SLC5A5: variants seen among roughly 807,000 people sequenced by gnomAD.
The protein encoded by SLC5A5 is solute carrier family 5 member 5, also known as sodium/iodide cotransporter.
SLC5A5 carries 56 observed loss-of-function variants against 68.6 expected under a neutral mutation model. The ratio of observed to expected loss-of-function variants is 0.82; its 90% CI spans 0.66 to 1.02. The LOEUF (loss-of-function observed/expected upper bound fraction) is 1.02. Ranked by LOEUF, SLC5A5 falls within the 50% of genes least tolerant of loss-of-function variation. SLC5A5 has a pLI of 0.00. For synonymous variants in SLC5A5, 398 were observed against 373.0 expected, an observed-to-expected ratio of 1.07 and a Z score of -0.77; for missense variants, 807 against 859.8, an observed-to-expected ratio of 0.94 and a Z score of 0.77.
Position 17,882,219 on chromosome 19 carries a change from G to T in SLC5A5, c.1242G>T (p.Gln414His). The T allele has an allele frequency of 6.2e-7, 1 of 1,613,076 alleles. No individual in the cohort carries two copies. The highest frequency in any genetic ancestry group is 8.5e-7 in the Non-Finnish European group (1 of 1,179,680). Residue 414 changes from glutamine to histidine, a missense_variant and splice_region_variant, in exon 10 of 15, where the codon CAG becomes CAT. Physicochemically the swap from Gln to His is conservative, Grantham distance 24 (BLOSUM62 0). Coordinates refer to ENST00000222248, the MANE Select transcript of SLC5A5 (RefSeq NM_000453.3). ...CACTGCTCGGAGGAGGTGTCCTTCA[G>T]GTGAGACCCCACCTGCCCCCTGCCC... Reference protein sequence around the residue: ...LSSLLGGGVLQGSFTVMGVIS... With the variant: ...LSSLLGGGVLHGSFTVMGVIS...
At chr19:17,882,309 C>T in intron 10 of SLC5A5, 90 bp downstream of exon 10, 1 of 1,011,482 alleles carries the variant, frequency 9.9e-7, no homozygotes. Flanking sequence ...AGAGAGGTCA[C>T]ATGTGTCAGT....
At chr19:17,876,290 G>A (rs112223626) in intron 5 of SLC5A5, among the ~76,000 whole-genome samples, 184 bp downstream of exon 5, 2,539 of 152,094 alleles carry the variant, frequency 0.017, 72 homozygotes, top group African/African-American at 0.057. Flanking sequence ...TTAGCTGGGC[G>A]TGGTGGTGCA....
At position 17,872,450 on chromosome 19, in the gene SLC5A5, C is replaced by G. The variant is rs752436289; in HGVS notation, c.131C>G (p.Ala44Gly). ...CTGGCTCGGGGCGGGCAGCGCAGCG[C>G]TGAGGACTTCTTCACCGGGGGCCGG... The part of the protein sequence containing the change: ...VGLARGGQRS[A>G]EDFFTGGRRL... Residue 44 changes from alanine to glycine, a missense_variant, in exon 1 of 15, where the codon GCT becomes GGT. By Grantham distance (60) the Ala-to-Gly change is moderately conservative. Transcript: ENST00000222248. 4.3e-6 allele frequency: 7 copies of G among 1,610,650 alleles called. No homozygotes were observed. In the South Asian group the frequency reaches 6.6e-5, roughly 15 times the overall value.
intron 5 of SLC5A5, among the ~76,000 whole-genome samples, chr19:17,877,207 G>T (rs1205120653): frequency 6.6e-6 from 1 of 152,140 alleles, no homozygotes; most frequent in Admixed American, 6.5e-5. Context: ...TTTTAAGTGC[G>T]TGGATAGATG....
chr19:17,893,648 A>G (rs2030285908), intron 14 of SLC5A5, 65 bp from the exon 15 acceptor site: 3 of 1,503,484 alleles, frequency 2.0e-6, no homozygotes, highest in South Asian at 1.2e-5. Flanking sequence ...CTGGGAGATG[A>G]GCTGACACGG....
chr19:17,880,139 G>A (rs1397121881), intron 7 of SLC5A5, among the ~76,000 whole-genome samples: 1 of 151,876 alleles, frequency 6.6e-6, no homozygotes, highest in Non-Finnish European at 1.5e-5. Flanking sequence ...GACCTCAGGT[G>A]ATCCACCTGC....
intron 14 of SLC5A5, among the ~76,000 whole-genome samples, chr19:17,893,493 C>T (rs2030279787): frequency 1.3e-5 from 2 of 152,074 alleles, no homozygotes; most frequent in African/African-American, 4.8e-5. Flanking sequence ...CGTTGATGGC[C>T]TGGGCTGTAG....
At chr19:17,874,074 G>A in intron 1 of SLC5A5, 64 bp from the exon 2 acceptor site, 2 of 1,170,010 alleles carry the variant, frequency 1.7e-6, no homozygotes, top group Admixed American at 1.7e-5. Context: ...AGCAGACCAG[G>A]GACCCGAGAG....
Position 17,882,186 on chromosome 19 carries a change from C to G in SLC5A5, c.1209C>G (p.Ala403=), listed in dbSNP as rs200659377. The G allele has an allele frequency of 1.2e-6, 2 of 1,614,052 alleles. No homozygotes were observed. The highest frequency in any genetic ancestry group is 1.7e-4 in the Middle Eastern group (1 of 6,044). Residue 403 remains alanine (A), a synonymous_variant, in exon 10 of 15, where the codon GCC becomes GCG. Transcript: ENST00000222248. ...IYGSACLTVA[A]LSSLLGGGVL... is the part of the protein sequence containing the mutation. Reference sequence around the variant, plus strand: ...GATCGGCCTGTCTCACCGTGGCAGCCCTGTCCTCACTGCTCGGAGGAGGTG... The same window carrying G: ...GATCGGCCTGTCTCACCGTGGCAGCGCTGTCCTCACTGCTCGGAGGAGGTG...
chr19:17,886,464 C>T (rs908107380), intron 12 of SLC5A5, among the ~76,000 whole-genome samples: 4 of 152,010 alleles, frequency 2.6e-5, no homozygotes, highest in Admixed American at 1.3e-4. Flanking sequence ...TATGCCACCA[C>T]GCCTGGCTAA....
intron 4 of SLC5A5, among the ~76,000 whole-genome samples, chr19:17,875,334 C>T (rs1272763124): frequency 1.8e-4 from 28 of 151,932 alleles, no homozygotes; most frequent in Admixed American, 1.8e-3. Flanking sequence ...TGCGCCATTG[C>T]ACTCCAGCCT....
At chr19:17,874,397 C>T (rs1470698912) in intron 2 of SLC5A5, 97 bp from the exon 3 acceptor site, 2 of 1,278,728 alleles carry the variant, frequency 1.6e-6, no homozygotes, top group East Asian at 4.6e-5. Context: ...GCCTATCTGC[C>T]CCGCCCATAT....
At chr19:17,877,915 C>T (rs918330244) in intron 6 of SLC5A5, 49 bp from the exon 7 acceptor site, 7 of 1,613,932 alleles carry the variant, frequency 4.3e-6, no homozygotes, top group Non-Finnish European at 5.9e-6. Context: ...CTGCCCCCCT[C>T]CACCAGCCTG....
Position 17,876,059 on chromosome 19 carries a change from C to T in SLC5A5, c.651C>T (p.Arg217=). ...GTGTCATGCTTGTGGGCGGGCCCCG[C>T]CAGGTGCTCACGCTGGCCCAGAACC... ...ARGVMLVGGP[R]QVLTLAQNHS... Residue 217 remains arginine (R), a synonymous_variant, in exon 5 of 15, where the codon CGC becomes CGT. Coordinates refer to ENST00000222248, the MANE Select transcript of SLC5A5 (RefSeq NM_000453.3). 1 of 1,614,202 alleles carries T rather than the reference C, an allele frequency of 6.2e-7. No homozygotes were observed. The highest frequency in any genetic ancestry group is 8.5e-7 in the Non-Finnish European group (1 of 1,180,048).
At chr19:17,893,080 T>G (rs1204724067) in intron 14 of SLC5A5, among the ~76,000 whole-genome samples, 1 of 150,038 alleles carries the variant, frequency 6.7e-6, no homozygotes, top group Non-Finnish European at 1.5e-5. Flanking sequence ...TATTTGTGTG[T>G]TTTTTTTCTT....
intron 12 of SLC5A5, among the ~76,000 whole-genome samples, chr19:17,887,598 T>A (rs1330182984): frequency 4.2e-5 from 3 of 71,644 alleles, no homozygotes; most frequent in Admixed American, 2.4e-4. Flanking sequence ...AAGTTTTTAA[T>A]TTTTTTTTTT....
intron 7 of SLC5A5, 53 bp downstream of exon 7, chr19:17,878,146 G>A: frequency 5.0e-6 from 8 of 1,591,406 alleles, no homozygotes; most frequent in Non-Finnish European, 6.8e-6. Context: ...CTAGCTTGGT[G>A]GGATTGAGGT....
chr19:17,880,922 T>C lies in SLC5A5; in HGVS notation c.1027T>C (p.Phe343Leu). The C allele has an allele frequency of 6.2e-7, 1 of 1,613,998 alleles. No individual in the cohort carries two copies. The highest frequency in any genetic ancestry group is 8.5e-7 in the Non-Finnish European group (1 of 1,179,926). Residue 343 changes from phenylalanine (F) to leucine (L), a missense_variant, in exon 8 of 15, where the codon TTC (phenylalanine) becomes CTC (leucine). Transcript: ENST00000222248. ...AGATCTGCCTGGAGTCCCCGGGCTT[T>C]TCCTGGCCTGTGCTTACAGTGGCAC... ...FEDLPGVPGLFLACAYSGTLS... is the reference protein window; with the variant it reads ...FEDLPGVPGLLLACAYSGTLS...
rs1474465495 is a variant in SLC5A5, at chr19:17,882,326, A to ACTCACT, written c.1242+108_1242+113dup. 8.0e-6 allele frequency: 7 copies of ACTCACT among 870,474 alleles called. No homozygotes were observed. In the East Asian group the frequency reaches 1.8e-4, roughly 22 times the overall value. The allele number at this position is 870,474 out of a possible 1,614,324, so 53.9% of individuals were successfully genotyped here. Reference sequence around the variant, plus strand: ...AGAGGTCACATGTGTCAGTGGCAGAACTCACTTCTATGTTTTTTTTTTTTT... The same window carrying ACTCACT: ...AGAGGTCACATGTGTCAGTGGCAGAACTCACTCTCACTTCTATGTTTTTTTTTTTTT... On this transcript the variant is annotated intron_variant, in intron 10 of 14. Coordinates refer to ENST00000222248, the MANE Select transcript of SLC5A5 (RefSeq NM_000453.3).
Sources: allele counts gnomAD v4.1 joint callset (sites outside exome capture counted in the v4.1 genomes callset), GRCh38; gene constraint gnomAD v4.1.1; transcripts MANE v1.5; gene names NCBI Gene and HGNC (gene_info 2026-07-23, HGNC 2026-07-21).